Variants in TRABD2B observed in about 807,000 individuals in gnomAD.
The protein encoded by TRABD2B is TraB domain containing 2B.
TRABD2B carries 14 observed loss-of-function variants against 40.1 expected under a neutral mutation model. The ratio of observed to expected loss-of-function variants is 0.35; its 90% CI spans 0.23 to 0.55. TRABD2B has a LOEUF of 0.55. Among genes scored for constraint, TRABD2B ranks in the 20% least tolerant of loss-of-function variants. The pLI is 0.90. For synonymous variants in TRABD2B, 263 were observed against 277.0 expected (o/e 0.95, Z 0.50); for missense variants, 541 against 648.6 (o/e 0.83, Z 1.80).
At chr1:47,946,598 G>T (rs1003685771) in intron 2 of TRABD2B, among the ~76,000 whole-genome samples, 1 of 152,096 alleles carries the variant, frequency 6.6e-6, no homozygotes, top group African/African-American at 2.4e-5. Context: ...GGGTCATATT[G>T]TATTATCCTT....
intron 4 of TRABD2B, among the ~76,000 whole-genome samples, chr1:47,794,224 C>A (rs1306300309): frequency 6.6e-6 from 1 of 152,180 alleles, no homozygotes; most frequent in Admixed American, 6.5e-5. Context: ...CCTCTGGGGC[C>A]ACATGTGCTT....
At chr1:47,790,781 C>T (rs1263068332) in intron 4 of TRABD2B, among the ~76,000 whole-genome samples, 5 of 152,216 alleles carry the variant, frequency 3.3e-5, no homozygotes, top group Non-Finnish European at 7.3e-5. Flanking sequence ...GTTACGTAAT[C>T]AGAGAGCCTG....
At chr1:47,786,902 G>T (rs1644602810) in intron 4 of TRABD2B, among the ~76,000 whole-genome samples, 1 of 152,018 alleles carries the variant, frequency 6.6e-6, no homozygotes, top group Non-Finnish European at 1.5e-5. Context: ...ATGGGGTCTT[G>T]GGATATTGCC....
intron 2 of TRABD2B, among the ~76,000 whole-genome samples, chr1:47,909,543 G>A (rs1338125731): frequency 1.5e-5 from 2 of 133,848 alleles, no homozygotes; most frequent in African/African-American, 2.8e-5. Flanking sequence ...GGAGGAGAAG[G>A]AGGAGAAGAA....
chr1:47,885,404 T>C (rs1411501224), intron 2 of TRABD2B, among the ~76,000 whole-genome samples: 2 of 152,164 alleles, frequency 1.3e-5, no homozygotes, highest in African/African-American at 2.4e-5. Flanking sequence ...TTTCAGGCTG[T>C]GGGATCCTTG....
At chr1:47,932,688 A>G (rs1313635725) in intron 2 of TRABD2B, among the ~76,000 whole-genome samples, 1 of 152,244 alleles carries the variant, frequency 6.6e-6, no homozygotes, top group South Asian at 2.1e-4. Context: ...AAGAACAGCC[A>G]TAACATGGCA....
chr1:47,978,830 T>C (rs1645798738), intron 2 of TRABD2B, among the ~76,000 whole-genome samples: 1 of 152,204 alleles, frequency 6.6e-6, no homozygotes, highest in Non-Finnish European at 1.5e-5. Context: ...CTTTCATTTA[T>C]ATTGTGTGAG....
In TRABD2B at chr1:47,899,001, T is replaced by A. The variant is rs1644561735; in HGVS notation, c.666+95033A>T. ...TCACGGCCTTCACCACCTACATGTA[T>A]CCTTTTGCTGTTGGAGAAGGCCTTA... On this transcript the variant is annotated intron_variant, in intron 2 of 6. Coordinates refer to ENST00000606738, the MANE Select transcript of TRABD2B (RefSeq NM_001194986.2). Among the ~76,000 whole-genome samples, 3 of 152,220 alleles carry A rather than the reference T, an allele frequency of 2.0e-5. No individual in the cohort carries two copies. The South Asian group carries it at 6.2e-4, about 31-fold the overall frequency.
intron 2 of TRABD2B, among the ~76,000 whole-genome samples, chr1:47,860,911 C>T (rs1643957700): frequency 6.6e-6 from 1 of 152,194 alleles, no homozygotes; most frequent in Non-Finnish European, 1.5e-5. Flanking sequence ...ACTCCCCAGC[C>T]TGCAAAATCG....
chr1:47,823,698 G>A (rs1645140073), intron 2 of TRABD2B, among the ~76,000 whole-genome samples: 2 of 152,212 alleles, frequency 1.3e-5, no homozygotes, highest in Non-Finnish European at 2.9e-5. Context: ...TGAACAGGAA[G>A]GCAGAGACTT....
intron 2 of TRABD2B, among the ~76,000 whole-genome samples, chr1:47,975,250 CTG>C (rs2148430912): frequency 6.6e-6 from 1 of 152,316 alleles, no homozygotes; most frequent in African/African-American, 2.4e-5. Context: ...GGGGAGCTCT[CTG>C]TACTATCTTC....
intron 3 of TRABD2B, among the ~76,000 whole-genome samples, chr1:47,800,865 G>A (rs1462633251): frequency 6.6e-6 from 1 of 152,202 alleles, no homozygotes; most frequent in African/African-American, 2.4e-5. Context: ...TCCACAGTCT[G>A]CAGAGCAAGG....
chr1:47,760,729 C>A lies in TRABD2B; in HGVS notation c.*5173G>T, dbSNP rs529311060. 1 of 152,320 alleles carries A rather than the reference C, an allele frequency of 6.6e-6. No individual in the cohort carries two copies. Among genetic ancestry groups the A allele is most frequent in the South Asian group, 2.1e-4 (1 of 4,818 alleles). The allele number at this position is 152,320 out of a possible 1,614,324, so 9.4% of individuals were successfully genotyped here. On this transcript the variant is annotated 3_prime_UTR_variant, in exon 7 of 7. Coordinates refer to ENST00000606738, the MANE Select transcript of TRABD2B (RefSeq NM_001194986.2). ...ACATGAATCTGAAGCCTGTGTTGCA[C>A]AGTGAATCAACTCGGGGACAAGCTC...
intron 2 of TRABD2B, among the ~76,000 whole-genome samples, chr1:47,965,022 T>C (rs1475953456): frequency 6.6e-6 from 1 of 151,754 alleles, no homozygotes; most frequent in African/African-American, 2.4e-5. Context: ...AGAATAAGTC[T>C]TTTTTGTTTA....
chr1:47,947,544 A>G (rs1347809948), intron 2 of TRABD2B, among the ~76,000 whole-genome samples: 1 of 152,134 alleles, frequency 6.6e-6, no homozygotes, highest in Non-Finnish European at 1.5e-5. Context: ...TGACTTGGGC[A>G]CTCCTAGAAA....
intron 2 of TRABD2B, among the ~76,000 whole-genome samples, chr1:47,895,755 G>A (rs901492991): frequency 1.3e-5 from 2 of 152,210 alleles, no homozygotes; most frequent in Non-Finnish European, 2.9e-5. Context: ...GTGATCCTCT[G>A]GGCTGAAAGG....
chr1:47,921,219 T>C (rs932249627), intron 2 of TRABD2B, among the ~76,000 whole-genome samples: 1 of 152,202 alleles, frequency 6.6e-6, no homozygotes, highest in Non-Finnish European at 1.5e-5. Flanking sequence ...CAGGTCACGG[T>C]AGACCAACTG....
At chr1:47,769,166 G>GAAAACA (rs1644346939) in intron 6 of TRABD2B, among the ~76,000 whole-genome samples, 1 of 138,320 alleles carries the variant, frequency 7.2e-6, no homozygotes, top group African/African-American at 2.7e-5. Flanking sequence ...CTTTTCTAAT[G>GAAAACA]AAAACAAAAA....
intron 2 of TRABD2B, among the ~76,000 whole-genome samples, chr1:47,905,754 C>G (rs1029807234): frequency 6.6e-6 from 1 of 152,140 alleles, no homozygotes; most frequent in African/African-American, 2.4e-5. Flanking sequence ...AGCCCTCAAT[C>G]TCTATGGCAT....
Sources: gnomAD v4.1 joint callset for allele counts (sites outside exome capture counted in the v4.1 genomes callset) on GRCh38, gnomAD v4.1.1 for gene constraint, MANE v1.5 for transcripts, NCBI Gene and HGNC (gene_info 2026-07-23, HGNC 2026-07-21) for gene names.